The following LGR6 variants were observed in gnomAD, a reference collection of about 807,000 sequenced individuals.
The protein encoded by LGR6 is leucine-rich repeat-containing G protein-coupled receptor 6.
A neutral mutation model predicts 69.4 loss-of-function variants in LGR6; 45 were observed. The observed-to-expected ratio is 0.65, with a 90% CI of 0.51 to 0.83. The LOEUF (loss-of-function observed/expected upper bound fraction) is 0.83, where lower values mean the gene tolerates loss of function less well. Among genes scored for constraint, LGR6 ranks in the 40% least tolerant of loss-of-function variants. LGR6 has a pLI of 0.00. For missense variants in LGR6, 1,108 were observed against 1,246.7 expected (o/e 0.89, Z 1.68); for synonymous variants, 538 against 555.0 (o/e 0.97, Z 0.43).
chr1:202,200,572 C>T (rs1370729417), intron 1 of LGR6, among the ~76,000 whole-genome samples: 1 of 152,210 alleles, frequency 6.6e-6, no homozygotes, highest in Non-Finnish European at 1.5e-5. Flanking sequence ...AAATGCCAAT[C>T]TCCCTTCCCC....
chr1:202,237,472 A>T (rs1661675640), intron 4 of LGR6, among the ~76,000 whole-genome samples: 1 of 152,154 alleles, frequency 6.6e-6, no homozygotes, highest in Non-Finnish European at 1.5e-5. Context: ...AAAAAATTAG[A>T]CTTTCACTGG....
At position 202,255,978 on chromosome 1, in the gene LGR6, A is replaced by G. The variant is rs192829147; in HGVS notation, c.428+19985A>G. On this transcript the variant is annotated intron_variant, in intron 4 of 17. Transcript: ENST00000367278. ...TTACCAAGTTGTGCAACTATCACCA[A>G]TAAGTCTAGAACATTTTTTGTCACC... Among the ~76,000 whole-genome samples the G allele has an allele frequency of 2.5e-4, 38 of 152,370 alleles. No individual in the cohort carries two copies. The East Asian group carries it at 7.3e-3, about 29-fold the overall frequency.
At chr1:202,313,937 A>G (rs1178156592) in intron 16 of LGR6, among the ~76,000 whole-genome samples, 2 of 152,170 alleles carry the variant, frequency 1.3e-5, no homozygotes, top group African/African-American at 4.8e-5. Context: ...ATTAGTCTCC[A>G]CAAGCTCTTT....
Position 202,193,932 on chromosome 1 carries a change from C to A in LGR6, c.-58C>A. 1 of 1,119,696 alleles carries A rather than the reference C, an allele frequency of 8.9e-7. No homozygotes were observed. Among genetic ancestry groups the A allele is most frequent in the Non-Finnish European group, 1.1e-6 (1 of 874,060 alleles). The allele number at this position is 1,119,696 out of a possible 1,614,324, so 69.4% of individuals were successfully genotyped here. A position where few individuals can be genotyped will look rare whatever the true frequency, so the allele number is the denominator to read the frequency against. ...CGGGACCGGGAGGAAGCAGCTGCGG[C>A]CATCGCGCCGTGCGTCCGCGCCCGG... On this transcript the variant is annotated 5_prime_UTR_variant, in exon 1 of 18. Coordinates refer to ENST00000367278, the MANE Select transcript of LGR6 (RefSeq NM_001017403.2).
chr1:202,202,263 GC>G (rs1445638349), intron 1 of LGR6, among the ~76,000 whole-genome samples: 2 of 152,146 alleles, frequency 1.3e-5, no homozygotes, highest in African/African-American at 4.8e-5. Flanking sequence ...AGGGTTTTCT[GC>G]CCTTTTTCCC....
At chr1:202,205,476 CTCCTT>C (rs1659164710) in intron 1 of LGR6, among the ~76,000 whole-genome samples, 2 of 53,748 alleles carry the variant, frequency 3.7e-5, no homozygotes, top group African/African-American at 6.4e-5. Context: ...ACACACACAC[CTCCTT>C]CAAACACACA....
chr1:202,230,868 C>T (rs560993847), intron 3 of LGR6, among the ~76,000 whole-genome samples: 4 of 152,288 alleles, frequency 2.6e-5, no homozygotes, highest in African/African-American at 9.6e-5. Flanking sequence ...GCTTCAGTTG[C>T]TTCTTACCAG....
At chr1:202,259,877 A>G (rs781079231) in intron 4 of LGR6, among the ~76,000 whole-genome samples, 2 of 152,176 alleles carry the variant, frequency 1.3e-5, no homozygotes, top group Non-Finnish European at 2.9e-5. Context: ...GGCCAATCAT[A>G]AGGCTCACAG....
At chr1:202,262,166 A>G (rs1212814370) in intron 4 of LGR6, among the ~76,000 whole-genome samples, 4 of 151,608 alleles carry the variant, frequency 2.6e-5, no homozygotes, top group Non-Finnish European at 4.4e-5. Flanking sequence ...GCCCATGCCT[A>G]TGTCCTGAAT....
intron 3 of LGR6, among the ~76,000 whole-genome samples, chr1:202,234,886 G>C (rs1187831424): frequency 6.6e-6 from 1 of 152,114 alleles, no homozygotes; most frequent in Non-Finnish European, 1.5e-5. Flanking sequence ...AGTCTCCTAG[G>C]GTAGGGCTCA....
At chr1:202,291,211 C>T (rs1002118884) in intron 6 of LGR6, among the ~76,000 whole-genome samples, 4 of 152,222 alleles carry the variant, frequency 2.6e-5, no homozygotes, top group African/African-American at 9.6e-5. Flanking sequence ...AGTGGTTTCT[C>T]TTTAACTTCA....
intron 6 of LGR6, 140 bp from the exon 7 acceptor site, chr1:202,297,368 T>C (rs1419449778): frequency 4.4e-6 from 3 of 675,468 alleles, no homozygotes; most frequent in Non-Finnish European, 7.9e-6. Flanking sequence ...AAAATGTGTT[T>C]CCAGACATTG....
At chr1:202,249,740 T>A (rs1201031469) in intron 4 of LGR6, among the ~76,000 whole-genome samples, 1 of 152,204 alleles carries the variant, frequency 6.6e-6, no homozygotes. Context: ...TACATCCTGT[T>A]CGCTCTGGAG....
chr1:202,230,254 C>G (rs1229956843), intron 3 of LGR6, among the ~76,000 whole-genome samples: 3 of 151,890 alleles, frequency 2.0e-5, no homozygotes, highest in African/African-American at 4.8e-5. Flanking sequence ...CTTTCCCACA[C>G]CCCCCCACAC....
intron 16 of LGR6, among the ~76,000 whole-genome samples, chr1:202,310,796 A>G (rs1228578998): frequency 6.6e-6 from 1 of 152,128 alleles, no homozygotes; most frequent in African/African-American, 2.4e-5. Context: ...AGAAAAAAAG[A>G]ATCCCCTCAT....
intron 1 of LGR6, among the ~76,000 whole-genome samples, chr1:202,214,777 C>T (rs1292227286): frequency 6.6e-6 from 1 of 152,128 alleles, no homozygotes; most frequent in Non-Finnish European, 1.5e-5. Context: ...GGAAAGGTGG[C>T]GAAACCTCTT....
intron 4 of LGR6, among the ~76,000 whole-genome samples, chr1:202,238,072 GTTTT>G (rs910777300): frequency 3.3e-5 from 5 of 151,374 alleles, no homozygotes; most frequent in African/African-American, 9.7e-5. Context: ...ATCCTCCGCC[GTTTT>G]TTTGTTTTGT....
At chr1:202,219,862 T>C (rs1340592984) in intron 1 of LGR6, among the ~76,000 whole-genome samples, 3 of 152,052 alleles carry the variant, frequency 2.0e-5, no homozygotes, top group African/African-American at 7.2e-5. Flanking sequence ...AGCACTGGGT[T>C]TTATTTATTT....
At chr1:202,222,051 T>A (rs1342189047) in intron 1 of LGR6, among the ~76,000 whole-genome samples, 1 of 152,246 alleles carries the variant, frequency 6.6e-6, no homozygotes, top group Non-Finnish European at 1.5e-5. Context: ...CAGGGCCCAG[T>A]GCCTCTTGCC....
Sources: gnomAD v4.1 joint callset for allele counts (sites outside exome capture counted in the v4.1 genomes callset) on GRCh38, gnomAD v4.1.1 for gene constraint, MANE v1.5 for transcripts, NCBI Gene and HGNC (gene_info 2026-07-23, HGNC 2026-07-21) for gene names.